The following PHLPP1 variants were observed in gnomAD, a reference collection of about 807,000 sequenced individuals.
The protein encoded by PHLPP1 is PH domain and leucine rich repeat protein phosphatase 1.
In PHLPP1, 42 loss-of-function variants were observed where a neutral mutation model predicts 117.2. That is an observed-to-expected ratio of 0.36 (90% CI 0.28 to 0.46). PHLPP1 has a LOEUF of 0.46. Ranked by LOEUF, PHLPP1 falls within the 20% of genes least tolerant of loss-of-function variation. The pLI is 1.00. For missense variants in PHLPP1, 2,084 were observed against 2,241.9 expected, an observed-to-expected ratio of 0.93 and a Z score of 1.42; for synonymous variants, 1,042 against 970.7, an observed-to-expected ratio of 1.07 and a Z score of -1.37.
chr18:62,953,380 C>T (rs951771469), intron 12 of PHLPP1, among the ~76,000 whole-genome samples: 2 of 152,186 alleles, frequency 1.3e-5, no homozygotes, highest in African/African-American at 4.8e-5. Context: ...TGTCTCCTTC[C>T]TGCTGTACCT....
chr18:62,806,871 CTA>C (rs1913966481), intron 1 of PHLPP1, among the ~76,000 whole-genome samples: 1 of 151,998 alleles, frequency 6.6e-6, no homozygotes, highest in African/African-American at 2.4e-5. Flanking sequence ...TCAGGATTGT[CTA>C]TAGGAGATAA....
At chr18:62,838,668 T>C in intron 2 of PHLPP1, 116 bp from the exon 3 acceptor site, 1 of 985,386 alleles carries the variant, frequency 1.0e-6, no homozygotes, top group Non-Finnish European at 1.5e-6. Flanking sequence ...ATGAGTAACA[T>C]ATATAGGGAA....
In PHLPP1 at chr18:62,794,632, C is replaced by T. The variant is rs553135320; in HGVS notation, c.1577-35403C>T. Among the ~76,000 whole-genome samples the T allele has an allele frequency of 1.1e-4, 17 of 152,236 alleles. No homozygotes were observed. In the East Asian group the frequency reaches 3.3e-3, roughly 29 times the overall value. On this transcript the variant is annotated intron_variant, in intron 1 of 16. Coordinates refer to ENST00000262719, the MANE Select transcript of PHLPP1 (RefSeq NM_194449.4). Reference sequence around the variant, plus strand: ...TCAAGGGATCCTCCTGCCTTGGCTTCCCAAAGTGATGGGATTACAGGCATG... The same window carrying T: ...TCAAGGGATCCTCCTGCCTTGGCTTTCCAAAGTGATGGGATTACAGGCATG...
chr18:62,944,359 G>C (rs1456858763), intron 11 of PHLPP1, among the ~76,000 whole-genome samples: 1 of 152,204 alleles, frequency 6.6e-6, no homozygotes, highest in African/African-American at 2.4e-5. Context: ...TGTAATTATT[G>C]ATGAAGATTA....
At chr18:62,888,453 T>C (rs1444598659) in intron 4 of PHLPP1, among the ~76,000 whole-genome samples, 1 of 151,950 alleles carries the variant, frequency 6.6e-6, no homozygotes, top group Non-Finnish European at 1.5e-5. Flanking sequence ...GTAATCCCAG[T>C]ACTTTGGGAG....
At chr18:62,835,684 T>TAGTAACTGTG (rs1033578514) in intron 2 of PHLPP1, among the ~76,000 whole-genome samples, 275 of 152,210 alleles carry the variant, frequency 1.8e-3, no homozygotes, top group African/African-American at 6.5e-3. Context: ...GTTAATAGTA[T>TAGTAACTGTG]GGGTGTCTTT....
intron 4 of PHLPP1, among the ~76,000 whole-genome samples, chr18:62,880,228 G>A (rs1916145097): frequency 6.6e-6 from 1 of 151,350 alleles, no homozygotes; most frequent in African/African-American, 2.4e-5. Context: ...TCCCCATTTA[G>A]CTGTGAGATA....
Position 62,905,212 on chromosome 18 carries a change from T to A in PHLPP1, c.2648-12T>A. The A allele has an allele frequency of 6.6e-7, 1 of 1,516,750 alleles. No homozygotes were observed. The highest frequency in any genetic ancestry group is 8.8e-7 in the Non-Finnish European group (1 of 1,131,850). 94.0% of individuals were successfully genotyped at this position (1,516,750 alleles called of 1,614,324 possible). Reference sequence around the variant, plus strand: ...AGTAATGTCTTTGTGGGGTTTTTTTTTTTCTTCCTAGAACTTGTTCAACTT... The same window carrying A: ...AGTAATGTCTTTGTGGGGTTTTTTTATTTCTTCCTAGAACTTGTTCAACTT... On this transcript the variant is annotated splice_polypyrimidine_tract_variant and intron_variant, in intron 7 of 16. Transcript: ENST00000262719.
intron 13 of PHLPP1, among the ~76,000 whole-genome samples, chr18:62,959,152 T>TA (rs1910698802): frequency 6.6e-6 from 1 of 152,198 alleles, no homozygotes; most frequent in South Asian, 2.1e-4. Flanking sequence ...TTGATATTGA[T>TA]AAAAGAATTA....
intron 15 of PHLPP1, among the ~76,000 whole-genome samples, 152 bp from the exon 16 acceptor site, chr18:62,975,245 C>T (rs1054364585): frequency 1.3e-5 from 2 of 152,130 alleles, no homozygotes; most frequent in African/African-American, 4.8e-5. Flanking sequence ...ATCAAAGAGG[C>T]AGAGCAGTGT....
chr18:62,762,190 A>T (rs1048946126), intron 1 of PHLPP1, among the ~76,000 whole-genome samples: 2 of 151,840 alleles, frequency 1.3e-5, no homozygotes, highest in South Asian at 4.1e-4. Context: ...GTTTTGATGT[A>T]CTTTGTATCT....
Position 62,979,761 on chromosome 18 carries a change from GTTGT to G in PHLPP1, c.*338_*341del, listed in dbSNP as rs1390035904. 16 of 229,030 alleles carry G rather than the reference GTTGT, an allele frequency of 7.0e-5. No individual in the cohort carries two copies. The highest frequency in any genetic ancestry group is 2.8e-4 in the East Asian group (3 of 10,590). 14.2% of individuals were successfully genotyped at this position (229,030 alleles called of 1,614,324 possible). A position where few individuals can be genotyped will look rare whatever the true frequency, so the allele number is the denominator to read the frequency against. On this transcript the variant is annotated 3_prime_UTR_variant, in exon 17 of 17. Coordinates refer to ENST00000262719, the MANE Select transcript of PHLPP1 (RefSeq NM_194449.4). ...GTAATATTTTTTAAAATGGCTTTTT[GTTGT>G]TTGTTTGGAAGGCAGGGCAGGCTGC...
chr18:62,795,809 T>C (rs1181945463), intron 1 of PHLPP1, among the ~76,000 whole-genome samples: 3 of 152,132 alleles, frequency 2.0e-5, no homozygotes, highest in Non-Finnish European at 4.4e-5. Context: ...TAATCTAAAA[T>C]CTTATTGATC....
chr18:62,742,221 G>T (rs777381546), intron 1 of PHLPP1, among the ~76,000 whole-genome samples: 3 of 152,080 alleles, frequency 2.0e-5, no homozygotes, highest in Non-Finnish European at 4.4e-5. Context: ...TAAAAGTAAC[G>T]CGGTCTTTTC....
chr18:62,954,307 C>T lies in PHLPP1; in HGVS notation c.3325-4322C>T, dbSNP rs543529294. ...GAGGGAAAGATAATTTTCTTTTAGT[C>T]GTGTTTTAGCCAGATTTAACATTCT... On this transcript the variant is annotated intron_variant, in intron 12 of 16. Transcript: ENST00000262719. Among the ~76,000 whole-genome samples the T allele has an allele frequency of 9.2e-5, 14 of 152,196 alleles. No individual in the cohort carries two copies. The South Asian group carries it at 2.3e-3, about 25-fold the overall frequency.
chr18:62,770,321 G>T (rs1912717416), intron 1 of PHLPP1, among the ~76,000 whole-genome samples: 3 of 152,116 alleles, frequency 2.0e-5, no homozygotes, highest in Admixed American at 1.3e-4. Context: ...TGTTGGCCAG[G>T]CTTGTCTCAA....
chr18:62,961,462 T>G (rs1568175439), intron 13 of PHLPP1, among the ~76,000 whole-genome samples: 1 of 152,150 alleles, frequency 6.6e-6, no homozygotes, highest in Non-Finnish European at 1.5e-5. Flanking sequence ...TTTTTTTCCT[T>G]TAATAATCAG....
intron 15 of PHLPP1, 84 bp from the exon 16 acceptor site, chr18:62,975,313 C>G (rs1911156246): frequency 6.9e-6 from 6 of 865,808 alleles, no homozygotes; most frequent in Non-Finnish European, 9.7e-6. Flanking sequence ...TGGCCCTGTC[C>G]AGTGGTGCGG....
At chr18:62,869,216 A>T (rs1238233034) in intron 4 of PHLPP1, among the ~76,000 whole-genome samples, 1 of 152,104 alleles carries the variant, frequency 6.6e-6, no homozygotes. Flanking sequence ...CCTGTTTGTC[A>T]TGCTGTGATG....
Sources: allele counts gnomAD v4.1 joint callset (sites outside exome capture counted in the v4.1 genomes callset), GRCh38; gene constraint gnomAD v4.1.1; transcripts MANE v1.5; gene names NCBI Gene and HGNC (gene_info 2026-07-23, HGNC 2026-07-21).